Variants in PRSS48 observed in about 807,000 individuals in gnomAD.
PRSS48 encodes the protein epidermis-specific serine protease-like protein.
PRSS48 carries 21 observed loss-of-function variants against 25.6 expected under a neutral mutation model. The observed-to-expected ratio is 0.82, with a 90% CI of 0.58 to 1.18. The LOEUF is 1.18. Ranked by LOEUF, PRSS48 falls within the 50% of genes most tolerant of loss-of-function variation. The pLI, the probability that PRSS48 is intolerant of heterozygous loss-of-function variation, is 0.00. For missense variants in PRSS48, 373 were observed against 399.3 expected (o/e 0.93, Z 0.56); for synonymous variants, 150 against 149.3 (o/e 1.00, Z -0.04).
chr4:151,288,592 CA>C (rs1474627533), intron 4 of PRSS48, among the ~76,000 whole-genome samples: 2 of 151,520 alleles, frequency 1.3e-5, no homozygotes, highest in Non-Finnish European at 2.9e-5. Flanking sequence ...ACTAAAAATA[CA>C]AAAACTTGCT....
chr4:151,283,185 C>T lies in PRSS48; in HGVS notation c.550C>T (p.Leu184Phe), dbSNP rs1580401034. 11 of 1,613,750 alleles carry T rather than the reference C, an allele frequency of 6.8e-6. No homozygotes were observed. In the East Asian group the frequency reaches 1.8e-4, roughly 26 times the overall value. ...TATTGACCGCCAGGCTTGTGAACAG[C>T]TCTACAATCCCATCGGTATCTTCTT... Residue 184 changes from leucine (L) to phenylalanine (F), a missense_variant, in exon 4 of 5, where the codon CTC (leucine) becomes TTC (phenylalanine). Physicochemically the swap from Leu to Phe is conservative, Grantham distance 22. Coordinates refer to ENST00000455694, the Ensembl canonical transcript of PRSS48.
intron 1 of PRSS48, 72 bp downstream of exon 1, chr4:151,277,296 T>C: frequency 8.2e-7 from 1 of 1,222,532 alleles, no homozygotes; most frequent in Non-Finnish European, 1.1e-6. Context: ...CATAGAACAA[T>C]GTGACACTTC....
chr4:151,279,954 C>A (rs754101728), exon 2 of PRSS48: 1 of 1,613,156 alleles, frequency 6.2e-7, no homozygotes, highest in East Asian at 2.2e-5. Flanking sequence ...ACACTGCATA[C>A]AACCGTGAGT....
At chr4:151,291,255 T>C in exon 5 of PRSS48, 1 of 1,614,026 alleles carries the variant, frequency 6.2e-7, no homozygotes, top group Non-Finnish European at 8.5e-7. Flanking sequence ...AATGGATTAA[T>C]GCCACTATTT....
At chr4:151,284,278 C>T (rs1168519308) in intron 4 of PRSS48, among the ~76,000 whole-genome samples, 4 of 152,070 alleles carry the variant, frequency 2.6e-5, no homozygotes, top group Non-Finnish European at 5.9e-5. Context: ...TCTCTCTGTT[C>T]TTCAAATTGG....
At chr4:151,291,203 A>C (rs1257529885) in exon 5 of PRSS48, 2 of 1,613,478 alleles carry the variant, frequency 1.2e-6, no homozygotes, top group Admixed American at 3.3e-5. Flanking sequence ...GAATGTGGTA[A>C]ATCTCTTCCT....
At chr4:151,283,090 A>C (rs1457941459) in intron 3 of PRSS48, 27 bp from the exon 4 acceptor site, 2 of 1,609,992 alleles carry the variant, frequency 1.2e-6, no homozygotes, top group Admixed American at 1.7e-5. Flanking sequence ...GGTTGCTTTA[A>C]TCTTTTGTTC....
chr4:151,282,905 A>T (rs985500500), intron 3 of PRSS48, among the ~76,000 whole-genome samples: 1 of 151,096 alleles, frequency 6.6e-6, no homozygotes, highest in African/African-American at 2.5e-5. Flanking sequence ...TGGCTCAATT[A>T]AAAAAAAACC....
chr4:151,279,789 T>C lies in PRSS48; in HGVS notation c.53-7T>C. ...TTTCCACATTTCCCTTTCTTCTCTT[T>C]CTCTAGTGTGTGGGCAACCTGTATA... On this transcript the variant is annotated splice_polypyrimidine_tract_variant and splice_region_variant and intron_variant, in intron 1 of 4. Coordinates refer to ENST00000455694, the Ensembl canonical transcript of PRSS48. The C allele has an allele frequency of 3.7e-6, 6 of 1,613,552 alleles. No homozygotes were observed. Among genetic ancestry groups the C allele is most frequent in the Non-Finnish European group, 5.1e-6 (6 of 1,179,660 alleles).
Position 151,277,228 on chromosome 4 carries a change from A to AGC in PRSS48, c.52+7_52+8dup. ...CTCCTTCTGCTGGGGATCTCAGGTGAGCGCCAGGGTGGGGTTGAGAAGGCA... is the reference window on the plus strand; with the variant it reads ...CTCCTTCTGCTGGGGATCTCAGGTGAGCGCGCCAGGGTGGGGTTGAGAAGGCA... On this transcript the variant is annotated splice_donor_region_variant and intron_variant, in intron 1 of 4. Transcript: ENST00000455694. The AGC allele has an allele frequency of 6.6e-7, 1 of 1,504,410 alleles. No individual in the cohort carries two copies. Among genetic ancestry groups the AGC allele is most frequent in the Non-Finnish European group, 9.0e-7 (1 of 1,114,370 alleles). 93.2% of individuals were successfully genotyped at this position (1,504,410 alleles called of 1,614,324 possible).
exon 1 of PRSS48, chr4:151,277,183 C>T: frequency 6.7e-7 from 1 of 1,490,152 alleles, no homozygotes; most frequent in Non-Finnish European, 9.0e-7. Flanking sequence ...ATGGGCCCTG[C>T]TGGCTGTGCC....
At chr4:151,277,659 A>C (rs574540980) in intron 1 of PRSS48, among the ~76,000 whole-genome samples, 2 of 152,298 alleles carry the variant, frequency 1.3e-5, no homozygotes, top group African/African-American at 4.8e-5. Context: ...GAGCATCTCA[A>C]GCAGAGGGAA....
intron 4 of PRSS48, among the ~76,000 whole-genome samples, chr4:151,288,044 T>C (rs1204994090): frequency 2.2e-4 from 3 of 13,618 alleles, no homozygotes; most frequent in Non-Finnish European, 1.4e-3. Flanking sequence ...TCAATAAATA[T>C]GGAAAAAAAT....
intron 1 of PRSS48, 129 bp from the exon 2 acceptor site, chr4:151,279,667 G>A (rs1773994086): frequency 2.5e-6 from 2 of 794,702 alleles, no homozygotes; most frequent in Non-Finnish European, 4.0e-6. Flanking sequence ...ACCAGAATAG[G>A]ATGGAGTATG....
At chr4:151,290,092 T>C (rs1775178525) in intron 4 of PRSS48, among the ~76,000 whole-genome samples, 1 of 152,300 alleles carries the variant, frequency 6.6e-6, no homozygotes, top group African/African-American at 2.4e-5. Context: ...ATGACAGGCA[T>C]ATGCCACCAT....
At chr4:151,277,176 G>A in exon 1 of PRSS48, 1 of 1,484,038 alleles carries the variant, frequency 6.7e-7, no homozygotes, top group Non-Finnish European at 9.1e-7. Context: ...CAGAGACATG[G>A]GCCCTGCTGG....
At chr4:151,286,620 C>T (rs1303802751) in intron 4 of PRSS48, among the ~76,000 whole-genome samples, 3 of 147,830 alleles carry the variant, frequency 2.0e-5, no homozygotes, top group African/African-American at 5.0e-5. Context: ...AAAAAAACTA[C>T]GAAGAAATAA....
At chr4:151,278,787 T>C in intron 1 of PRSS48, among the ~76,000 whole-genome samples, 1 of 152,282 alleles carries the variant, frequency 6.6e-6, no homozygotes, top group Middle Eastern at 3.4e-3. Flanking sequence ...TGCACCATCA[T>C]GTCAGGCTAA....
chr4:151,286,141 A>G (rs1774735421), intron 4 of PRSS48, among the ~76,000 whole-genome samples: 1 of 142,478 alleles, frequency 7.0e-6, no homozygotes, highest in South Asian at 2.3e-4. Flanking sequence ...TATTTGCACC[A>G]CTGTGCTCCA....
Sources: gnomAD v4.1 joint callset for allele counts (sites outside exome capture counted in the v4.1 genomes callset) on GRCh38, gnomAD v4.1.1 for gene constraint, MANE v1.5 for transcripts, NCBI Gene and HGNC (gene_info 2026-07-23, HGNC 2026-07-21) for gene names.